PRKN: variants seen among roughly 807,000 people sequenced by gnomAD.
PRKN encodes the protein parkin RBR E3 ubiquitin protein ligase.
In PRKN, 56 loss-of-function variants were observed where a neutral mutation model predicts 59.5. The observed-to-expected ratio is 0.94, with a 90% confidence interval of 0.76 to 1.18. PRKN has a LOEUF of 1.18. PRKN is among the 50% of genes most tolerant of loss of function. PRKN has a pLI of 0.00. For synonymous variants in PRKN, 250 were observed against 222.1 expected, an observed-to-expected ratio of 1.13 and a Z score of -1.12; for missense variants, 657 against 596.4, an observed-to-expected ratio of 1.10 and a Z score of -1.06.
chr6:162,382,385 T>C (rs1271055109), intron 2 of PRKN, among the ~76,000 whole-genome samples: 1 of 152,160 alleles, frequency 6.6e-6, no homozygotes, highest in Non-Finnish European at 1.5e-5. Flanking sequence ...GACCACTGTG[T>C]AAAGTGAATA....
At chr6:162,155,267 G>C (rs1429203328) in intron 4 of PRKN, among the ~76,000 whole-genome samples, 1 of 152,096 alleles carries the variant, frequency 6.6e-6, no homozygotes, top group Non-Finnish European at 1.5e-5. Context: ...GCACATATCT[G>C]ATATTTTGCC....
At chr6:162,412,345 G>A (rs912956305) in intron 2 of PRKN, among the ~76,000 whole-genome samples, 29 of 152,136 alleles carry the variant, frequency 1.9e-4, no homozygotes, top group Non-Finnish European at 4.3e-4. Flanking sequence ...TCTAGGGTAC[G>A]ATGAATAACA....
chr6:162,677,957 T>C lies in PRKN; in HGVS notation c.7+49705A>G, dbSNP rs189032707. Among the ~76,000 whole-genome samples, 7 of 152,264 alleles carry C rather than the reference T, an allele frequency of 4.6e-5. No individual in the cohort carries two copies. In the East Asian group the frequency reaches 1.2e-3, roughly 25 times the overall value. ...ATTCTTCCTCCCACTTTGTAATCTC[T>C]TCCTTCTGCCTCTCCCTGACATCCT... On this transcript the variant is annotated intron_variant, in intron 1 of 11. Transcript: ENST00000366898.
chr6:161,785,772 C>A lies in PRKN; in HGVS notation c.871G>T (p.Ala291Ser), dbSNP rs1262180713. The change falls in exon 7 of 12, where the codon GCT becomes TCT. Residue 291 changes from alanine (A) to serine (S), a missense_variant and splice_region_variant. Transcript: ENST00000366898. ...TGGAGAGAAAACATGCTAGACTTACCCACACAAGGCAGGGAGTAGCCAAGT... is the reference window on the plus strand; with the variant it reads ...TGGAGAGAAAACATGCTAGACTTACACACACAAGGCAGGGAGTAGCCAAGT... ...PQLGYSLPCV[A>S]GCPNSLIKEL... 2 of 1,613,662 alleles carry A rather than the reference C, an allele frequency of 1.2e-6. No homozygotes were observed. The highest frequency in any genetic ancestry group is 1.7e-6 in the Non-Finnish European group (2 of 1,179,884).
chr6:162,649,795 A>G (rs531037223), intron 1 of PRKN, among the ~76,000 whole-genome samples: 80 of 152,334 alleles, frequency 5.3e-4, no homozygotes, highest in African/African-American at 1.9e-3. Flanking sequence ...AGTAAAGTGC[A>G]TGTAAAGTAA....
rs911031958 is a variant in PRKN at position 162,067,092 on chromosome 6, A to G, written c.535-12918T>C. On this transcript the variant is annotated intron_variant, in intron 4 of 11. Transcript: ENST00000366898. ...TTTTTCTCTCCTGTTTGTAATATAC[A>G]TAGTGCATCTTGAACCACAAGTTCA... Among the ~76,000 whole-genome samples, 3 of 152,150 alleles carry G rather than the reference A, an allele frequency of 2.0e-5. No homozygotes were observed. In the East Asian group the frequency reaches 5.8e-4, roughly 29 times the overall value.
rs1789581272 is a variant in PRKN at position 161,448,226 on chromosome 6, G to A, written c.1084-61349C>T. On this transcript the variant is annotated intron_variant, in intron 9 of 11. Transcript: ENST00000366898. The surrounding 1 kb of genome is among the most constrained non-coding windows in gnomAD (Gnocchi z 5.1). ...ACCGTAATATTTCACTGGATTCTTG[G>A]AATATCAGAAATTCATCATTCTTTG... Among the ~76,000 whole-genome samples, 2 of 152,140 alleles carry A rather than the reference G, an allele frequency of 1.3e-5. No individual in the cohort carries two copies. The highest frequency in any genetic ancestry group is 2.9e-5 in the Non-Finnish European group (2 of 68,040).
intron 7 of PRKN, among the ~76,000 whole-genome samples, chr6:161,716,946 T>A (rs1341394008): frequency 6.6e-6 from 1 of 152,138 alleles, no homozygotes; most frequent in Non-Finnish European, 1.5e-5. Context: ...TAGAGAAGCA[T>A]CACACTGAAG....
chr6:162,364,951 T>C (rs1785348043), intron 2 of PRKN, among the ~76,000 whole-genome samples: 1 of 150,328 alleles, frequency 6.7e-6, no homozygotes, highest in Admixed American at 6.6e-5. Flanking sequence ...AGAATAGAAA[T>C]CTCTCTTCTC....
chr6:161,665,362 A>G lies in PRKN; in HGVS notation c.872-95946T>C, dbSNP rs1336233237. Among the ~76,000 whole-genome samples the G allele has an allele frequency of 2.6e-5, 4 of 152,164 alleles. No homozygotes were observed. In the South Asian group the frequency reaches 6.2e-4, roughly 24 times the overall value. On this transcript the variant is annotated intron_variant, in intron 7 of 11. Coordinates refer to ENST00000366898, the MANE Select transcript of PRKN (RefSeq NM_004562.3). ...TGTATCCACCAAACAAACTCAACCT[A>G]TGAAGATCTTAAACATTTTTTTTCT...
intron 2 of PRKN, among the ~76,000 whole-genome samples, chr6:162,307,008 T>G (rs369363590): frequency 3.9e-5 from 6 of 152,306 alleles, no homozygotes; most frequent in Admixed American, 3.3e-4. Context: ...ATTTGTATTT[T>G]TAAAACTATC....
At chr6:161,607,930 C>A (rs570486889) in intron 7 of PRKN, among the ~76,000 whole-genome samples, 15 of 152,254 alleles carry the variant, frequency 9.9e-5, no homozygotes, top group Middle Eastern at 3.4e-3. Context: ...TGGACTTCAG[C>A]CACCAGCCCT....
At chr6:161,541,443 C>G (rs1337805895) in intron 9 of PRKN, among the ~76,000 whole-genome samples, 1 of 152,180 alleles carries the variant, frequency 6.6e-6, no homozygotes, top group African/African-American at 2.4e-5. Context: ...GCTTATAAAG[C>G]TAAAGAAGTT....
intron 8 of PRKN, among the ~76,000 whole-genome samples, chr6:161,556,074 C>A (rs1481913542): frequency 6.6e-6 from 1 of 152,128 alleles, no homozygotes; most frequent in Non-Finnish European, 1.5e-5. Flanking sequence ...TGGACAACGT[C>A]CAATAACAAT....
chr6:161,644,618 C>T (rs1050843381), intron 7 of PRKN, among the ~76,000 whole-genome samples: 2 of 152,202 alleles, frequency 1.3e-5, no homozygotes, highest in Non-Finnish European at 2.9e-5. Flanking sequence ...TCAGATCTCT[C>T]ATGTCTTCAT....
intron 1 of PRKN, among the ~76,000 whole-genome samples, chr6:162,648,983 A>C (rs1375510632): frequency 2.0e-5 from 3 of 152,110 alleles, no homozygotes; most frequent in South Asian, 4.2e-4. Context: ...TCTTGAAGAG[A>C]AGGAATTGTG....
At chr6:161,774,382 GCACACACACACA>G (rs3220723) in intron 7 of PRKN, among the ~76,000 whole-genome samples, 1,494 of 130,982 alleles carry the variant, frequency 0.011, 15 homozygotes, top group Admixed American at 0.014. Context: ...TACTCCCTGA[GCACACACACACA>G]CACACACACA....
chr6:162,159,937 A>T (rs1782684022), intron 4 of PRKN, among the ~76,000 whole-genome samples: 1 of 152,230 alleles, frequency 6.6e-6, no homozygotes, highest in African/African-American at 2.4e-5. Flanking sequence ...ATAGTCCTAA[A>T]TATGAAGGTC....
At chr6:162,204,972 C>T (rs1784878261) in intron 3 of PRKN, among the ~76,000 whole-genome samples, 1 of 151,814 alleles carries the variant, frequency 6.6e-6, no homozygotes, top group African/African-American at 2.4e-5. Context: ...AAGTGATTCT[C>T]CTGCCTCAAC....
Sources: gnomAD v4.1 joint callset for allele counts (sites outside exome capture counted in the v4.1 genomes callset) on GRCh38, gnomAD v4.1.1 for gene constraint, Gnocchi (gnomAD v3.1) non-coding constraint, MANE v1.5 for transcripts, NCBI Gene and HGNC (gene_info 2026-07-23, HGNC 2026-07-21) for gene names.